The following DCLRE1C variants were observed in gnomAD, a reference collection of about 807,000 sequenced individuals.
The protein encoded by DCLRE1C is protein artemis.
In DCLRE1C, 47 loss-of-function variants were observed where a neutral mutation model predicts 61.4. That is an observed-to-expected ratio of 0.77 (90% CI 0.61 to 0.98). DCLRE1C has a LOEUF of 0.98. Among genes scored for constraint, DCLRE1C ranks in the 50% least tolerant of loss-of-function variants. The pLI is 0.00. For synonymous variants in DCLRE1C, 337 were observed against 287.6 expected (o/e 1.17, Z -1.74); for missense variants, 858 against 816.0 (o/e 1.05, Z -0.63).
intron 13 of DCLRE1C, among the ~76,000 whole-genome samples, chr10:14,916,552 A>T (rs1836226113): frequency 6.6e-6 from 1 of 152,232 alleles, no homozygotes; most frequent in African/African-American, 2.4e-5. Context: ...AAATTCAAAG[A>T]AGTCCAAAAT....
chr10:14,898,098 A>G (rs1049212132), exon 14 of DCLRE1C: 5 of 150,550 alleles, frequency 3.3e-5, no homozygotes, highest in African/African-American at 9.8e-5. Context: ...ATGTATATAT[A>G]TATATAAATG....
intron 3 of DCLRE1C, among the ~76,000 whole-genome samples, chr10:14,940,759 G>A (rs190819856): frequency 6.7e-4 from 102 of 152,032 alleles, no homozygotes; most frequent in Non-Finnish European, 7.5e-4. Flanking sequence ...CTAAGGTTTG[G>A]GTGTTAAAGT....
intron 11 of DCLRE1C, among the ~76,000 whole-genome samples, chr10:14,925,705 G>A (rs147610814): frequency 5.3e-5 from 8 of 152,166 alleles, no homozygotes; most frequent in Non-Finnish European, 7.4e-5. Flanking sequence ...CAGTCCTCCC[G>A]TGCTTAGGAA....
rs780875686 is a variant in DCLRE1C, at chr10:14,908,983, C to G, written c.1504G>C (p.Glu502Gln). Residue 502 changes from glutamate to glutamine, a missense_variant, in exon 14 of 14, where the codon GAG becomes CAG. Coordinates refer to ENST00000378278, the MANE Select transcript of DCLRE1C (RefSeq NM_001033855.3). ...FFKRNDEITDESLENFPSSTV... is the reference protein window; with the variant it reads ...FFKRNDEITDQSLENFPSSTV... ...GAGGAAGGGAAGTTTTCCAAACTCT[C>G]ATCTGTGATTTCATCATTTCTTTTA... The G allele has an allele frequency of 1.1e-5, 18 of 1,613,986 alleles. No homozygotes were observed. Among genetic ancestry groups the G allele is most frequent in the East Asian group, 2.2e-5 (1 of 44,890 alleles).
At position 14,904,893 on chromosome 10, in the gene DCLRE1C, TTCAGGA is replaced by T. The variant is rs1346838294; in HGVS notation, c.*3509_*3514del. ...TATGTATTATATTGATACCATCATTTTCAGGATCTACATTAAGAGGATGGTGATACA... is the reference window on the plus strand; with the variant it reads ...TATGTATTATATTGATACCATCATTTTCTACATTAAGAGGATGGTGATACA... On this transcript the variant is annotated 3_prime_UTR_variant, in exon 14 of 14. Transcript: ENST00000378278. 1.3e-5 allele frequency among the ~76,000 whole-genome samples: 2 copies of T among 152,234 alleles called. No individual in the cohort carries two copies. Among genetic ancestry groups the T allele is most frequent in the Non-Finnish European group, 2.9e-5 (2 of 68,038 alleles).
chr10:14,917,333 GGT>G (rs1339862478), intron 13 of DCLRE1C, among the ~76,000 whole-genome samples: 1 of 151,828 alleles, frequency 6.6e-6, no homozygotes, highest in Admixed American at 6.6e-5. Flanking sequence ...TATGCCTTTG[GGT>G]CAAAGATTTC....
chr10:14,901,543 G>GTT (rs746052665), downstream of DCLRE1C, among the ~76,000 whole-genome samples: 35 of 146,416 alleles, frequency 2.4e-4, no homozygotes, highest in East Asian at 5.6e-3. Flanking sequence ...TGTACTACTT[G>GTT]TCTTTTTTTT....
intron 11 of DCLRE1C, among the ~76,000 whole-genome samples, chr10:14,926,267 C>T (rs1589006219): frequency 6.6e-6 from 1 of 152,066 alleles, no homozygotes; most frequent in South Asian, 2.1e-4. Context: ...AAATTTTCAC[C>T]ACTCTCCACA....
downstream of DCLRE1C, among the ~76,000 whole-genome samples, chr10:14,900,755 G>A (rs1833950716): frequency 6.6e-6 from 1 of 151,976 alleles, no homozygotes; most frequent in Non-Finnish European, 1.5e-5. Context: ...AGTTGTTCTA[G>A]TTATTTTAAA....
At chr10:14,929,868 G>A (rs1242183729) in intron 9 of DCLRE1C, among the ~76,000 whole-genome samples, 2 of 152,102 alleles carry the variant, frequency 1.3e-5, no homozygotes, top group African/African-American at 4.8e-5. Context: ...AGTTAAGAGT[G>A]GACTCTATGA....
intron 2 of DCLRE1C, among the ~76,000 whole-genome samples, chr10:14,947,121 A>G (rs1841817819): frequency 6.6e-6 from 1 of 152,138 alleles, no homozygotes; most frequent in Non-Finnish European, 1.5e-5. Flanking sequence ...CTGAGCTGGG[A>G]GAATTGCTTG....
rs1834298264 is a variant in DCLRE1C, at chr10:14,905,286, T to A, written c.*3122A>T. 6.6e-6 allele frequency among the ~76,000 whole-genome samples: 1 copy of A among 152,258 alleles called. No homozygotes were observed. Among genetic ancestry groups the A allele is most frequent in the African/African-American group, 2.4e-5 (1 of 41,468 alleles). ...TGCATTTGAATATTAAAGGACAATT[T>A]GACATTTCGCTAGCATAATGTGGAT... On this transcript the variant is annotated 3_prime_UTR_variant, in exon 14 of 14. Coordinates refer to ENST00000378278, the MANE Select transcript of DCLRE1C (RefSeq NM_001033855.3).
chr10:14,935,547 T>C lies in DCLRE1C; in HGVS notation c.380A>G (p.Asn127Ser), dbSNP rs752558172. ...PGSVMFLFQG[N>S]NGTVLYTGDF... ...TCCTGTGTACAGGACAGTTCCATTA[T>C]TGCCCTGAAATAAAAACCTGAAAAA... The change falls in exon 6 of 14, where the codon AAT (asparagine) becomes AGT (serine). Residue 127 changes from asparagine to serine, a missense_variant. Physicochemically the swap from Asn to Ser is conservative, Grantham distance 46. Coordinates refer to ENST00000378278, the MANE Select transcript of DCLRE1C (RefSeq NM_001033855.3). 52 of 1,614,006 alleles carry C rather than the reference T, an allele frequency of 3.2e-5. No homozygotes were observed. The highest frequency in any genetic ancestry group is 3.5e-5 in the Non-Finnish European group (41 of 1,180,006).
intron 13 of DCLRE1C, among the ~76,000 whole-genome samples, chr10:14,918,568 A>G (rs963947432): frequency 6.6e-6 from 1 of 151,864 alleles, no homozygotes; most frequent in South Asian, 2.1e-4. Context: ...CAAAAAATTT[A>G]TCAAATTGTA....
chr10:14,949,342 T>G (rs1408626538), intron 1 of DCLRE1C, among the ~76,000 whole-genome samples: 2 of 152,170 alleles, frequency 1.3e-5, no homozygotes, highest in African/African-American at 4.8e-5. Flanking sequence ...AGGCCAGAGT[T>G]TAAATCACTC....
intron 13 of DCLRE1C, among the ~76,000 whole-genome samples, chr10:14,911,001 A>C (rs915751229): frequency 7.9e-5 from 12 of 152,196 alleles, no homozygotes; most frequent in Non-Finnish European, 1.3e-4. Flanking sequence ...AACATTGAAG[A>C]AATAAATGTA....
chr10:14,922,866 A>G, intron 12 of DCLRE1C, 115 bp downstream of exon 12: 1 of 806,786 alleles, frequency 1.2e-6, no homozygotes, highest in Non-Finnish European at 2.2e-6. Context: ...TCAGTTCAGA[A>G]ATGTCCCAAA....
chr10:14,949,490 T>C (rs549548351), intron 1 of DCLRE1C, among the ~76,000 whole-genome samples: 5 of 152,336 alleles, frequency 3.3e-5, no homozygotes, highest in African/African-American at 9.6e-5. Context: ...AAATTCAAGT[T>C]CGTGGTCATG....
intron 13 of DCLRE1C, among the ~76,000 whole-genome samples, chr10:14,916,661 C>T (rs1836249046): frequency 6.6e-6 from 1 of 152,114 alleles, no homozygotes. Flanking sequence ...AAAAGTAATA[C>T]CATGTGCAAC....
Sources: allele counts gnomAD v4.1 joint callset (sites outside exome capture counted in the v4.1 genomes callset), GRCh38; gene constraint gnomAD v4.1.1; transcripts MANE v1.5; gene names NCBI Gene and HGNC (gene_info 2026-07-23, HGNC 2026-07-21).